Variants in IFT74 observed in about 807,000 individuals in gnomAD.
IFT74 encodes intraflagellar transport protein 74 homolog.
A neutral mutation model predicts 96.7 loss-of-function variants in IFT74; 92 were observed. The observed-to-expected ratio is 0.95, with a 90% confidence interval of 0.80 to 1.13. The LOEUF is 1.13. Ranked by LOEUF, IFT74 falls within the 50% of genes most tolerant of loss-of-function variation. The pLI, the probability that IFT74 is intolerant of heterozygous loss-of-function variation, is 0.00. For synonymous variants in IFT74, 223 were observed against 213.2 expected (o/e 1.05, Z -0.40); for missense variants, 811 against 698.2 (o/e 1.16, Z -1.82).
intron 1 of IFT74, among the ~76,000 whole-genome samples, chr9:26,951,065 A>C (rs183440601): frequency 1.0e-4 from 16 of 152,396 alleles, no homozygotes; most frequent in Admixed American, 1.0e-3. Flanking sequence ...CATGAAGGAA[A>C]AATGTCCGTA....
intron 12 of IFT74, among the ~76,000 whole-genome samples, chr9:27,025,469 GAAAA>G (rs1490207454): frequency 7.2e-6 from 1 of 137,968 alleles, no homozygotes; most frequent in Non-Finnish European, 1.6e-5. Context: ...AAAAAGAAAA[GAAAA>G]GAAAGAATGT....
chr9:26,997,095 C>T (rs1038271696), intron 8 of IFT74, among the ~76,000 whole-genome samples: 1 of 151,664 alleles, frequency 6.6e-6, no homozygotes, highest in Non-Finnish European at 1.5e-5. Context: ...GACTGTAATC[C>T]CAGCTACTGG....
At chr9:26,965,070 A>G (rs1489185298) in intron 2 of IFT74, among the ~76,000 whole-genome samples, 1 of 152,204 alleles carries the variant, frequency 6.6e-6, no homozygotes, top group East Asian at 1.9e-4. Context: ...AAATAATGAT[A>G]TGTATATCCC....
At chr9:27,009,241 C>A in intron 9 of IFT74, 83 bp downstream of exon 9, 2 of 1,249,650 alleles carry the variant, frequency 1.6e-6, no homozygotes, top group Non-Finnish European at 2.3e-6. Context: ...GCATCAGCAT[C>A]CCCTGAGAAC....
Position 26,988,694 on chromosome 9 carries a change from C to G in IFT74, c.491C>G (p.Thr164Ser). The G allele has an allele frequency of 6.5e-7, 1 of 1,545,082 alleles. No homozygotes were observed. Among genetic ancestry groups the G allele is most frequent in the Non-Finnish European group, 8.8e-7 (1 of 1,133,344 alleles). Residue 164 changes from threonine to serine, a missense_variant, in exon 7 of 20, where the codon ACT becomes AGT. Thr to Ser is a moderately conservative substitution (Grantham distance 58). Transcript: ENST00000380062. Reference protein sequence around the residue: ...NMLVDKLNTNTEMEEVMNDYN... With the variant: ...NMLVDKLNTNSEMEEVMNDYN... ...TTGGTAGATAAACTTAATACCAACA[C>G]TGAAATGGAAGAAGTAATGAATGAT...
intron 2 of IFT74, among the ~76,000 whole-genome samples, chr9:26,965,491 A>G (rs978299158): frequency 6.6e-6 from 1 of 152,064 alleles, no homozygotes; most frequent in South Asian, 2.1e-4. Flanking sequence ...GACTGAAATA[A>G]TTTTTCTGAA....
At chr9:26,950,465 G>A (rs781260475) in intron 1 of IFT74, among the ~76,000 whole-genome samples, 7 of 152,090 alleles carry the variant, frequency 4.6e-5, no homozygotes, top group Non-Finnish European at 1.0e-4. Flanking sequence ...GAGTTGGGGT[G>A]GGGGGTCACT....
At chr9:27,024,229 C>T (rs1266625730) in intron 12 of IFT74, among the ~76,000 whole-genome samples, 1 of 152,178 alleles carries the variant, frequency 6.6e-6, no homozygotes, top group South Asian at 2.1e-4. Context: ...GTGCACGAAA[C>T]AAAACTACAA....
In IFT74 at chr9:27,062,864, G is replaced by T; in HGVS notation, c.*128G>T. On this transcript the variant is annotated 3_prime_UTR_variant, in exon 20 of 20. Transcript: ENST00000380062. The stretch of plus-strand genomic sequence containing the variant: ...AAAATTTCTGAATGTTATAATTTTT[G>T]TGGCCTCTTTTAAGAATGATATTTT... 1.6e-6 allele frequency: 1 copy of T among 618,084 alleles called. No individual in the cohort carries two copies. Among genetic ancestry groups the T allele is most frequent in the Non-Finnish European group, 2.9e-6 (1 of 348,736 alleles). The allele number at this position is 618,084 out of a possible 1,614,324, so 38.3% of individuals were successfully genotyped here.
chr9:26,973,889 A>G (rs1474245710), intron 2 of IFT74, among the ~76,000 whole-genome samples: 1 of 152,138 alleles, frequency 6.6e-6, no homozygotes, highest in East Asian at 1.9e-4. Flanking sequence ...ATTAAAAGAG[A>G]CAGAGACCCT....
At chr9:27,049,445 G>T (rs996199239) in intron 16 of IFT74, among the ~76,000 whole-genome samples, 1 of 152,164 alleles carries the variant, frequency 6.6e-6, no homozygotes, top group Non-Finnish European at 1.5e-5. Flanking sequence ...TCCCAGGGAT[G>T]CAGACTTGAG....
At chr9:27,030,874 C>A (rs769822992) in intron 13 of IFT74, among the ~76,000 whole-genome samples, 2 of 152,168 alleles carry the variant, frequency 1.3e-5, no homozygotes, top group Non-Finnish European at 2.9e-5. Context: ...CCAAGTAAAG[C>A]AGAACACACC....
At chr9:27,000,322 A>G (rs1260856794) in intron 8 of IFT74, among the ~76,000 whole-genome samples, 1 of 152,228 alleles carries the variant, frequency 6.6e-6, no homozygotes, top group Non-Finnish European at 1.5e-5. Flanking sequence ...ATAGAAGTGC[A>G]CAAAAGAAAT....
intron 2 of IFT74, among the ~76,000 whole-genome samples, chr9:26,969,290 A>G (rs1206500619): frequency 3.3e-5 from 5 of 151,926 alleles, no homozygotes; most frequent in African/African-American, 9.7e-5. Flanking sequence ...GGATTGTTGT[A>G]TCTCTTGCTT....
intron 7 of IFT74, among the ~76,000 whole-genome samples, chr9:26,989,552 ACT>A (rs1827778839): frequency 6.6e-6 from 1 of 152,084 alleles, no homozygotes; most frequent in Non-Finnish European, 1.5e-5. Flanking sequence ...TGATAAAATG[ACT>A]CTTCTAAATT....
At chr9:26,949,268 T>A (rs917678069) in intron 1 of IFT74, among the ~76,000 whole-genome samples, 13 of 152,192 alleles carry the variant, frequency 8.5e-5, no homozygotes, top group African/African-American at 3.1e-4. Flanking sequence ...CCCTGCAAGG[T>A]AGATAGTATT....
intron 14 of IFT74, among the ~76,000 whole-genome samples, chr9:27,045,745 A>G (rs28525632): frequency 0.048 from 7,335 of 152,246 alleles, 227 homozygotes; most frequent in South Asian, 0.13. Flanking sequence ...TCTGATGTCA[A>G]TAGTTACCTT....
At chr9:27,032,006 C>T (rs1475567563) in intron 13 of IFT74, among the ~76,000 whole-genome samples, 1 of 152,018 alleles carries the variant, frequency 6.6e-6, no homozygotes, top group Non-Finnish European at 1.5e-5. Context: ...GCCACTGTGC[C>T]TGGTGTTTTA....
intron 1 of IFT74, among the ~76,000 whole-genome samples, chr9:26,958,213 G>T (rs371237708): frequency 2.0e-5 from 3 of 152,302 alleles, no homozygotes; most frequent in East Asian, 3.9e-4. Flanking sequence ...TGCCATAAAG[G>T]GTGAGAAATA....
Sources: gnomAD v4.1 joint callset for allele counts (sites outside exome capture counted in the v4.1 genomes callset) on GRCh38, gnomAD v4.1.1 for gene constraint, MANE v1.5 for transcripts, NCBI Gene and HGNC (gene_info 2026-07-23, HGNC 2026-07-21) for gene names.